KRT40: variants seen among roughly 807,000 people sequenced by gnomAD.
The protein encoded by KRT40 is keratin 40.
A neutral mutation model predicts 43.5 loss-of-function variants in KRT40; 47 were observed. That is an observed-to-expected ratio of 1.08 (90% confidence interval 0.86 to 1.38). The LOEUF (loss-of-function observed/expected upper bound fraction) is 1.38. Among genes scored for constraint, KRT40 ranks in the 40% most tolerant of loss-of-function variants. KRT40 has a pLI of 0.00. For synonymous variants in KRT40, 212 were observed against 214.0 expected, an observed-to-expected ratio of 0.99 and a Z score of 0.08; for missense variants, 573 against 523.6, an observed-to-expected ratio of 1.09 and a Z score of -0.92.
chr17:40,978,954 C>G lies in KRT40; in HGVS notation c.1046G>C (p.Cys349Ser). 1 of 1,614,110 alleles carries G rather than the reference C, an allele frequency of 6.2e-7. No individual in the cohort carries two copies. Among genetic ancestry groups the G allele is most frequent in the Non-Finnish European group, 8.5e-7 (1 of 1,180,022 alleles). ...QYSSQLAQIQ[C>S]LIDNLENQLA... Reference sequence around the variant, plus strand: ...CTGGTTCTCCAGGTTATCGATCAGACACTGAATTTGGGCCAGCTGGGAGCT... The same window carrying G: ...CTGGTTCTCCAGGTTATCGATCAGAGACTGAATTTGGGCCAGCTGGGAGCT... Residue 349 changes from cysteine to serine, a missense_variant, in exon 6 of 7, where the codon TGT becomes TCT. Cys to Ser is a moderately radical substitution (Grantham distance 112, BLOSUM62 -1). Transcript: ENST00000377755.
chr17:40,983,105 A>T lies in KRT40; in HGVS notation c.471T>A (p.Asn157Lys). ...TGTCAAGCTGTACAGCAAGTCTAGA[A>T]TTCTCTGCTTTCGTGCATAAGATCT... ...QQKILCTKAE[N>K]SRLAVQLDNC... The change falls in exon 2 of 7, where the codon AAT (asparagine) becomes AAA (lysine). Residue 157 changes from asparagine (N) to lysine (K), a missense_variant. Physicochemically the swap from Asn to Lys is moderately conservative, Grantham distance 94. Transcript: ENST00000377755. 1 of 1,509,506 alleles carries T rather than the reference A, an allele frequency of 6.6e-7. No individual in the cohort carries two copies. Among genetic ancestry groups the T allele is most frequent in the East Asian group, 2.3e-5 (1 of 43,716 alleles). 93.5% of individuals were successfully genotyped at this position (1,509,506 alleles called of 1,614,324 possible). A position where few individuals can be genotyped will look rare whatever the true frequency, so the allele number is the denominator to read the frequency against.
chr17:40,983,832 G>T lies in KRT40; in HGVS notation c.442C>A (p.Gln148Lys). ...RYFNTIEDLQ[Q>K]KILCTKAENS... ...TAGGGCAACAGGACACAGACCTTTT[G>T]TTGGAGATCTTCAATGGTGTTGAAG... The change falls in exon 1 of 7, where the codon CAA (glutamine) becomes AAA (lysine). Residue 148 changes from glutamine (Q) to lysine (K), a missense_variant. Physicochemically the swap from Gln to Lys is moderately conservative, Grantham distance 53 (BLOSUM62 1). Coordinates refer to ENST00000377755, the MANE Select transcript of KRT40 (RefSeq NM_001389244.1). 6.2e-7 allele frequency: 1 copy of T among 1,613,054 alleles called. No individual in the cohort carries two copies. The highest frequency in any genetic ancestry group is 8.5e-7 in the Non-Finnish European group (1 of 1,179,062).
chr17:40,986,684 G>A (rs1912481981), upstream of KRT40, among the ~76,000 whole-genome samples: 1 of 150,372 alleles, frequency 6.7e-6, no homozygotes, highest in Admixed American at 6.6e-5. Flanking sequence ...CAGAAGAAAG[G>A]AACATTGGGA....
intron 5 of KRT40, among the ~76,000 whole-genome samples, chr17:40,979,394 A>G (rs1912003097): frequency 1.3e-5 from 2 of 151,882 alleles, no homozygotes; most frequent in African/African-American, 2.4e-5. Context: ...GGACGCCTGT[A>G]GTCCCAGCTA....
intron 5 of KRT40, among the ~76,000 whole-genome samples, chr17:40,980,501 G>A (rs943780905): frequency 1.3e-5 from 2 of 152,176 alleles, no homozygotes; most frequent in African/African-American, 4.8e-5. Context: ...ATTAAAACCT[G>A]CCAGAATGCT....
chr17:40,982,318 T>A lies in KRT40; in HGVS notation c.676A>T (p.Asn226Tyr), dbSNP rs760433036. 20 of 1,581,148 alleles carry A rather than the reference T, an allele frequency of 1.3e-5. No homozygotes were observed. The highest frequency in any genetic ancestry group is 1.6e-5 in the Non-Finnish European group (19 of 1,167,176). Residue 226 changes from asparagine to tyrosine, a missense_variant, in exon 3 of 7, where the codon AAC (asparagine) becomes TAC (tyrosine). Coordinates refer to ENST00000377755, the MANE Select transcript of KRT40 (RefSeq NM_001389244.1). ...GCCACTTTCCTTACCTCTTCATGGT[T>A]TTTCTTAAGGCAAAGGAGATCTTCC... ...LKEDLLCLKK[N>Y]HEEEVNLLRE...
At position 40,984,075 on chromosome 17, in the gene KRT40, TC is replaced by T. The variant is rs1912331801; in HGVS notation, c.198del (p.Ser67ValfsTer30). On this transcript the variant is annotated frameshift_variant, in exon 1 of 7. Coordinates refer to ENST00000377755, the MANE Select transcript of KRT40 (RefSeq NM_001389244.1). LOFTEE classifies it high-confidence loss of function. ...CCCACCAAGCAGGGACTATTACAAC[TC>T]CCAGTAAAGTAGCATGGCAGGAGGC... ...TGCLLPCYFT[G>X]SCNSPCLVGN... 1.2e-6 allele frequency: 2 copies of T among 1,613,660 alleles called. No individual in the cohort carries two copies.
chr17:40,984,013 G>C lies in KRT40; in HGVS notation c.261C>G (p.Ser87Arg), dbSNP rs1481266097. The C allele has an allele frequency of 6.2e-7, 1 of 1,614,040 alleles. No individual in the cohort carries two copies. Among genetic ancestry groups the C allele is most frequent in the Admixed American group, 1.7e-5 (1 of 59,986 alleles). ...CAWCEDGVFT[S>R]NEKETMQFLN... ...GGAACTGCATCGTCTCCTTCTCATTGCTAGTGAACACCCCATCCTCACACC... is the reference window on the plus strand; with the variant it reads ...GGAACTGCATCGTCTCCTTCTCATTCCTAGTGAACACCCCATCCTCACACC... The change falls in exon 1 of 7, where the codon AGC (serine) becomes AGG (arginine). Residue 87 changes from serine to arginine, a missense_variant. Physicochemically the swap from Ser to Arg is moderately radical, Grantham distance 110. Coordinates refer to ENST00000377755, the MANE Select transcript of KRT40 (RefSeq NM_001389244.1).
At chr17:40,983,403 T>C (rs7359525) in intron 1 of KRT40, among the ~76,000 whole-genome samples, 56,365 of 152,058 alleles carry the variant, frequency 0.37, 12,319 homozygotes, top group African/African-American at 0.62. Context: ...TAATGTTTTC[T>C]CCATCAGTAG....
intron 5 of KRT40, 36 bp from the exon 6 acceptor site, chr17:40,979,060 T>G: frequency 1.3e-6 from 2 of 1,545,128 alleles, no homozygotes; most frequent in South Asian, 2.3e-5. Flanking sequence ...GACCATGAAG[T>G]GCAGTCTCTC....
At position 40,983,836 on chromosome 17, in the gene KRT40, G is replaced by C. The variant is rs1355336905; in HGVS notation, c.438C>G (p.Leu146=). ...GCAACAGGACACAGACCTTTTGTTG[G>C]AGATCTTCAATGGTGTTGAAGTAAC... ...YQRYFNTIED[L]QQKILCTKAE... is the part of the protein sequence containing the mutation. The change falls in exon 1 of 7, where the codon CTC becomes CTG. Residue 146 remains leucine (L), a synonymous_variant. Coordinates refer to ENST00000377755, the MANE Select transcript of KRT40 (RefSeq NM_001389244.1). The C allele has an allele frequency of 6.2e-7, 1 of 1,613,028 alleles. No homozygotes were observed. Among genetic ancestry groups the C allele is most frequent in the East Asian group, 2.2e-5 (1 of 44,838 alleles).
At chr17:40,983,197 CT>C in intron 1 of KRT40, 69 bp from the exon 2 acceptor site, 1 of 674,584 alleles carries the variant, frequency 1.5e-6, no homozygotes, top group Non-Finnish European at 2.6e-6. Flanking sequence ...TATCCAACAG[CT>C]ATGCCATTAG....
intron 2 of KRT40, 42 bp downstream of exon 2, chr17:40,983,004 A>T (rs9910558): frequency 0.57 from 472,892 of 826,770 alleles, 140,374 homozygotes; most frequent in African/African-American, 0.84. Flanking sequence ...GTGAAACTCC[A>T]TCTCAAAATA....
In KRT40 at chr17:40,978,215, A is replaced by T; in HGVS notation, c.1278T>A (p.Val426=). ...EPCSAYVICT[V]ENCCL ...TTAACATTCACAAGCAGCAGTTTTC[A>T]ACAGTGCAGATGACATAGGCTGAGC... The change falls in exon 7 of 7, where the codon GTT becomes GTA. Residue 426 remains valine (V), a synonymous_variant. Coordinates refer to ENST00000377755, the MANE Select transcript of KRT40 (RefSeq NM_001389244.1). 1 of 1,613,744 alleles carries T rather than the reference A, an allele frequency of 6.2e-7. No individual in the cohort carries two copies. Among genetic ancestry groups the T allele is most frequent in the South Asian group, 1.1e-5 (1 of 91,056 alleles).
chr17:40,982,680 T>TGAGAGA (rs368173562), intron 2 of KRT40, among the ~76,000 whole-genome samples: 2 of 151,206 alleles, frequency 1.3e-5, no homozygotes, highest in South Asian at 2.1e-4. Flanking sequence ...AGAGAGAGAT[T>TGAGAGA]GAGAGAGAGA....
chr17:40,983,089 G>T lies in KRT40; in HGVS notation c.487C>A (p.Gln163Lys). 2 of 1,516,720 alleles carry T rather than the reference G, an allele frequency of 1.3e-6. No homozygotes were observed. The highest frequency in any genetic ancestry group is 1.8e-6 in the Non-Finnish European group (2 of 1,096,218). The allele number at this position is 1,516,720 out of a possible 1,614,324, so 94.0% of individuals were successfully genotyped here. A position where few individuals can be genotyped will look rare whatever the true frequency, so the allele number is the denominator to read the frequency against. Residue 163 changes from glutamine (Q) to lysine (K), a missense_variant, in exon 2 of 7, where the codon CAG becomes AAG. By Grantham distance (53) the Gln-to-Lys change is moderately conservative. Transcript: ENST00000377755. ...TKAENSRLAV[Q>K]LDNCKLATDD... Reference sequence around the variant, plus strand: ...GTGGCCAGTTTGCAGTTGTCAAGCTGTACAGCAAGTCTAGAATTCTCTGCT... The same window carrying T: ...GTGGCCAGTTTGCAGTTGTCAAGCTTTACAGCAAGTCTAGAATTCTCTGCT...
In KRT40 at chr17:40,983,075, G is replaced by T. The variant is rs1380099386; in HGVS notation, c.501C>A (p.Cys167Ter). The T allele has an allele frequency of 1.3e-6, 2 of 1,488,494 alleles. No individual in the cohort carries two copies. The highest frequency in any genetic ancestry group is 1.2e-5 in the South Asian group (1 of 86,788). The allele number at this position is 1,488,494 out of a possible 1,614,324, so 92.2% of individuals were successfully genotyped here. Reference sequence around the variant, plus strand: ...ACTTAAAGTCATCAGTGGCCAGTTTGCAGTTGTCAAGCTGTACAGCAAGTC... The same window carrying T: ...ACTTAAAGTCATCAGTGGCCAGTTTTCAGTTGTCAAGCTGTACAGCAAGTC... Reference protein sequence around the residue: ...NSRLAVQLDNCKLATDDFKSK... With the variant: ...NSRLAVQLDN The change falls in exon 2 of 7, where the codon TGC becomes TGA. Residue 167 changes from cysteine (C) to a stop codon, truncating the protein, a stop_gained. Transcript: ENST00000377755. LOFTEE classifies it high-confidence loss of function.
rs1434771202 is a variant in KRT40 at position 40,982,418 on chromosome 17, G to A, written c.576C>T (p.Ile192=). ...CCTCCAGGATCCCATGCAGGCTGCT[G>A]ATGTCAGCCTCTAACAGCTGGCGAA... The part of the protein sequence containing the change: ...LSLRQLLEAD[I]SSLHGILEEL... Residue 192 remains isoleucine (I), a synonymous_variant, in exon 3 of 7, where the codon ATC becomes ATT. Transcript: ENST00000377755. The A allele has an allele frequency of 4.3e-6, 7 of 1,609,194 alleles. No individual in the cohort carries two copies. The Admixed American group carries it at 1.0e-4, about 23-fold the overall frequency.
At chr17:40,979,556 A>G (rs1912017508) in intron 5 of KRT40, among the ~76,000 whole-genome samples, 1 of 152,088 alleles carries the variant, frequency 6.6e-6, no homozygotes, top group African/African-American at 2.4e-5. Flanking sequence ...TGCCAGCCAT[A>G]CTGCCACTGT....
Sources: allele counts gnomAD v4.1 joint callset (sites outside exome capture counted in the v4.1 genomes callset), GRCh38; gene constraint gnomAD v4.1.1; transcripts MANE v1.5; gene names NCBI Gene and HGNC (gene_info 2026-07-23, HGNC 2026-07-21).